Variants in HS6ST3 observed in about 807,000 individuals in gnomAD.
HS6ST3 encodes the protein heparan-sulfate 6-O-sulfotransferase 3.
HS6ST3 carries 12 observed loss-of-function variants against 36.7 expected under a neutral mutation model. The observed-to-expected ratio is 0.33, with a 90% CI of 0.21 to 0.53. The LOEUF is 0.53. HS6ST3 is among the 20% of genes least tolerant of loss of function. The pLI, the probability that HS6ST3 is intolerant of heterozygous loss-of-function variation, is 0.95. For synonymous variants in HS6ST3, 240 were observed against 257.5 expected (o/e 0.93, Z 0.65); for missense variants, 584 against 640.9 (o/e 0.91, Z 0.96).
intron 1 of HS6ST3, among the ~76,000 whole-genome samples, chr13:96,469,063 G>C (rs932218332): frequency 2.6e-5 from 4 of 152,096 alleles, no homozygotes; most frequent in Admixed American, 2.0e-4. Flanking sequence ...ATGTGGTAAG[G>C]AAGTTTTTTT....
intron 1 of HS6ST3, among the ~76,000 whole-genome samples, chr13:96,128,108 C>A (rs1167108274): frequency 6.6e-6 from 1 of 152,162 alleles, no homozygotes; most frequent in Non-Finnish European, 1.5e-5. Flanking sequence ...ATGTTAAGTA[C>A]TGGGCTAAGT....
At chr13:96,158,774 G>T (rs7139605) in intron 1 of HS6ST3, among the ~76,000 whole-genome samples, 16 of 151,638 alleles carry the variant, frequency 1.1e-4, no homozygotes, top group Non-Finnish European at 2.2e-4. Context: ...GGGCCAGGGA[G>T]GAGACAACAT....
At chr13:96,682,387 C>T (rs1422511902) in intron 1 of HS6ST3, among the ~76,000 whole-genome samples, 1 of 152,152 alleles carries the variant, frequency 6.6e-6, no homozygotes, top group Non-Finnish European at 1.5e-5. Flanking sequence ...TTTTATTCCT[C>T]ATCCATGTTT....
chr13:96,595,881 T>A (rs539238628), intron 1 of HS6ST3, among the ~76,000 whole-genome samples: 2 of 152,150 alleles, frequency 1.3e-5, no homozygotes, highest in South Asian at 4.2e-4. Context: ...TTAAAAAAAA[T>A]TCCAAGCTCT....
chr13:96,417,630 AT>A (rs1409153796), intron 1 of HS6ST3, among the ~76,000 whole-genome samples: 2 of 143,944 alleles, frequency 1.4e-5, no homozygotes, highest in Admixed American at 1.4e-4. Flanking sequence ...GTGTACATAT[AT>A]ATACACACAG....
intron 1 of HS6ST3, among the ~76,000 whole-genome samples, chr13:96,226,551 TA>T (rs1205691736): frequency 6.6e-6 from 1 of 152,144 alleles, no homozygotes; most frequent in Non-Finnish European, 1.5e-5. Flanking sequence ...ATAAAGAAAT[TA>T]AGACATTATA....
In HS6ST3 at chr13:96,837,831, G is replaced by T. The variant is rs944230597; in HGVS notation, c.*4633G>T. ...TATTAAGGGAAATCAATATAAACCC[G>T]CCCCCACCAACCAAAAAAAAAAAAA... is the stretch of plus-strand genomic sequence containing the variant. On this transcript the variant is annotated 3_prime_UTR_variant, in exon 2 of 2. Transcript: ENST00000376705. 7.0e-6 allele frequency: 1 copy of T among 143,376 alleles called. No homozygotes were observed. The highest frequency in any genetic ancestry group is 1.5e-5 in the Non-Finnish European group (1 of 66,222). The allele number at this position is 143,376 out of a possible 1,614,324, so 8.9% of individuals were successfully genotyped here.
At chr13:96,092,836 C>T (rs72638013) in intron 1 of HS6ST3, among the ~76,000 whole-genome samples, 23 of 152,314 alleles carry the variant, frequency 1.5e-4, no homozygotes, top group Non-Finnish European at 2.5e-4. Flanking sequence ...TTTCCTTCCT[C>T]CCTGCTCCTT....
At chr13:96,250,149 G>A (rs968657868) in intron 1 of HS6ST3, among the ~76,000 whole-genome samples, 14 of 152,174 alleles carry the variant, frequency 9.2e-5, no homozygotes, top group Admixed American at 4.6e-4. Flanking sequence ...GATAGAAGCT[G>A]TATACCATGT....
chr13:96,777,246 GC>G (rs1370661755), intron 1 of HS6ST3, among the ~76,000 whole-genome samples: 5 of 152,194 alleles, frequency 3.3e-5, no homozygotes, highest in Admixed American at 6.5e-5. Context: ...TACTGAAGGG[GC>G]AAAAGCTGGA....
intron 1 of HS6ST3, among the ~76,000 whole-genome samples, chr13:96,721,123 A>G (rs549607353): frequency 1.3e-5 from 2 of 152,328 alleles, no homozygotes; most frequent in Admixed American, 6.5e-5. Flanking sequence ...TTGTCTCTCT[A>G]CTGAGCCTAA....
At chr13:96,370,532 A>G (rs1209074754) in intron 1 of HS6ST3, among the ~76,000 whole-genome samples, 1 of 152,172 alleles carries the variant, frequency 6.6e-6, no homozygotes, top group Non-Finnish European at 1.5e-5. Context: ...GAACTTCCTG[A>G]TATGTTCCTC....
intron 1 of HS6ST3, among the ~76,000 whole-genome samples, chr13:96,260,620 CTT>C (rs928219868): frequency 1.8e-4 from 27 of 149,614 alleles, no homozygotes; most frequent in Non-Finnish European, 3.0e-4. Context: ...GCCCGGCCCT[CTT>C]TTCTTTTCTT....
At chr13:96,640,637 C>T (rs2056567038) in intron 1 of HS6ST3, among the ~76,000 whole-genome samples, 2 of 151,872 alleles carry the variant, frequency 1.3e-5, no homozygotes, top group African/African-American at 2.4e-5. Flanking sequence ...TCCCAAGGCC[C>T]ATGGCCAGAA....
chr13:96,415,461 GCT>G (rs576223183), intron 1 of HS6ST3, among the ~76,000 whole-genome samples: 1 of 152,158 alleles, frequency 6.6e-6, no homozygotes, highest in Non-Finnish European at 1.5e-5. Flanking sequence ...TAAATAAAGT[GCT>G]CTTTTTTATT....
chr13:96,401,075 G>C (rs2055448827), intron 1 of HS6ST3, among the ~76,000 whole-genome samples: 1 of 152,044 alleles, frequency 6.6e-6, no homozygotes, highest in Non-Finnish European at 1.5e-5. Flanking sequence ...AGCTGCATAG[G>C]GAAGACATCA....
At position 96,725,531 on chromosome 13, in the gene HS6ST3, A is replaced by G. The variant is rs147879494; in HGVS notation, c.708-106959A>G. On this transcript the variant is annotated intron_variant, in intron 1 of 1. Coordinates refer to ENST00000376705, the MANE Select transcript of HS6ST3 (RefSeq NM_153456.4). ...CTTTTTAGCATTATGTTCCATTCCA[A>G]GTTAATTTTTGTGTAAGTACAAAAT... Among the ~76,000 whole-genome samples, 227 of 152,142 alleles carry G rather than the reference A, an allele frequency of 1.5e-3. 1 individual carries two copies. The highest frequency in any genetic ancestry group is 5.2e-3 in the African/African-American group (215 of 41,498).
chr13:96,283,615 A>G (rs2054786034), intron 1 of HS6ST3, among the ~76,000 whole-genome samples: 1 of 152,200 alleles, frequency 6.6e-6, no homozygotes, highest in South Asian at 2.1e-4. Context: ...CACCTGAATG[A>G]CCAAATAATA....
At chr13:96,767,144 A>G (rs1007335199) in intron 1 of HS6ST3, among the ~76,000 whole-genome samples, 2 of 152,234 alleles carry the variant, frequency 1.3e-5, no homozygotes, top group African/African-American at 4.8e-5. Flanking sequence ...CCTATCCGTG[A>G]TCTTTGTGTT....
Sources: gnomAD v4.1 joint callset for allele counts (sites outside exome capture counted in the v4.1 genomes callset) on GRCh38, gnomAD v4.1.1 for gene constraint, MANE v1.5 for transcripts, NCBI Gene and HGNC (gene_info 2026-07-23, HGNC 2026-07-21) for gene names.